Variants in YBX2 observed in about 807,000 individuals in gnomAD.
YBX2 encodes the protein Y-box binding protein 2, also known as Y-box-binding protein 2.
In YBX2, 5 loss-of-function variants were observed where a neutral mutation model predicts 44.4. The ratio of observed to expected loss-of-function variants is 0.11; its 90% confidence interval spans 0.06 to 0.24. The LOEUF is 0.24. Among genes scored for constraint, YBX2 ranks in the 10% least tolerant of loss-of-function variants. The pLI is 1.00. For synonymous variants in YBX2, 188 were observed against 216.1 expected, an observed-to-expected ratio of 0.87 and a Z score of 1.14; for missense variants, 417 against 526.9, an observed-to-expected ratio of 0.79 and a Z score of 2.04.
chr17:7,292,541 T>A, intron 2 of YBX2: 1 of 192,482 alleles, frequency 5.2e-6, no homozygotes, highest in Admixed American at 5.2e-5. Context: ...GAACAATGTG[T>A]CAGGAACTTG....
At position 7,294,279 on chromosome 17, in the gene YBX2, C is replaced by T. The variant is rs917802650; in HGVS notation, c.222G>A (p.Ser74=). The change falls in exon 1 of 9, where the codon TCG becomes TCA. Residue 74 remains serine, a synonymous_variant. Coordinates refer to ENST00000007699, the MANE Select transcript of YBX2 (RefSeq NM_015982.4). This position sits in a 1 kb window ranked among gnomAD's most constrained non-coding sequence, Gnocchi z 4.6. ...RTPGNPATAV[S]GTPAPPARSQ... ...TCCGGGCCGGGGGGGCGGGGGTTCC[C>T]GAGACCGCCGTCGCCGGATTGCCAG... 3.9e-6 allele frequency: 5 copies of T among 1,276,238 alleles called. No individual in the cohort carries two copies. In the African/African-American group the frequency reaches 7.7e-5, roughly 20 times the overall value. 79.1% of individuals were successfully genotyped at this position (1,276,238 alleles called of 1,614,324 possible). A position where few individuals can be genotyped will look rare whatever the true frequency, so the allele number is the denominator to read the frequency against.
chr17:7,290,378 G>A lies in YBX2; in HGVS notation c.617C>T (p.Pro206Leu). 6.2e-7 allele frequency: 1 copy of A among 1,613,998 alleles called. No individual in the cohort carries two copies. Among genetic ancestry groups the A allele is most frequent in the Middle Eastern group, 1.7e-4 (1 of 6,060 alleles). The change falls in exon 5 of 9, where the codon CCT becomes CTT. Residue 206 changes from proline (P) to leucine (L), a missense_variant. Coordinates refer to ENST00000007699, the MANE Select transcript of YBX2 (RefSeq NM_015982.4). ...VAEIPSAGTG[P>L]GSKGERAEDS... ...TTCAGCCCGCTCCCCTTTACTGCCA[G>A]GTCCTGTCCCCGCCGAGGGGATCTC... is the stretch of plus-strand genomic sequence containing the variant.
At chr17:7,293,123 C>T in intron 2 of YBX2, 1 of 343,860 alleles carries the variant, frequency 2.9e-6, no homozygotes, top group East Asian at 7.1e-5. Context: ...TTGAGGATTC[C>T]AGCCGGGGGC....
At chr17:7,288,869 G>A (rs372506273) in intron 7 of YBX2, 31 bp from the exon 8 acceptor site, 1 of 1,613,336 alleles carries the variant, frequency 6.2e-7, no homozygotes, top group Non-Finnish European at 8.5e-7. Flanking sequence ...ATTGAGACTT[G>A]TTCTTTTTGT....
rs903841521 is a variant in YBX2, at chr17:7,294,577, C to G, written c.-77G>C. ...CGGCTCGCGAACCCACCGCCCTGCT[C>G]GGTCCTCGCGCCCCGAGCCTCGCCC... On this transcript the variant is annotated 5_prime_UTR_variant, in exon 1 of 9. Coordinates refer to ENST00000007699, the MANE Select transcript of YBX2 (RefSeq NM_015982.4). The surrounding 1 kb of genome is among the most constrained non-coding windows in gnomAD (Gnocchi z 4.6). 1.3e-5 allele frequency: 17 copies of G among 1,281,186 alleles called. No homozygotes were observed. In the African/African-American group the frequency reaches 1.6e-4, roughly 12 times the overall value. 79.4% of individuals were successfully genotyped at this position (1,281,186 alleles called of 1,614,324 possible).
intron 7 of YBX2, among the ~76,000 whole-genome samples, chr17:7,289,315 T>C (rs2072479518): frequency 8.3e-6 from 1 of 120,466 alleles, no homozygotes; most frequent in East Asian, 2.4e-4. Flanking sequence ...ATGGCCATCA[T>C]GGGCAATCAT....
At position 7,294,329 on chromosome 17, in the gene YBX2, G is replaced by T; in HGVS notation, c.172C>A (p.Pro58Thr). The change falls in exon 1 of 9, where the codon CCC (proline) becomes ACC (threonine). Residue 58 changes from proline (P) to threonine (T), a missense_variant. Pro to Thr is a conservative substitution (Grantham distance 38). This residue lies in a region of YBX2 where 121 missense variants were observed against 141.3 expected (regional missense o/e 0.86). Transcript: ENST00000007699. This position sits in a 1 kb window ranked among gnomAD's most constrained non-coding sequence, Gnocchi z 4.6. The part of the protein sequence containing the change: ...GAASGPAAGT[P>T]SAPGSRTPGN... ...GGGGTGCGGGAGCCCGGCGCCGAGGGGGTCCCAGCAGCGGGGCCCGAGGCG... is the reference window on the plus strand; with the variant it reads ...GGGGTGCGGGAGCCCGGCGCCGAGGTGGTCCCAGCAGCGGGGCCCGAGGCG... 7.7e-7 allele frequency: 1 copy of T among 1,295,244 alleles called. No homozygotes were observed. The highest frequency in any genetic ancestry group is 9.7e-7 in the Non-Finnish European group (1 of 1,027,930). 80.2% of individuals were successfully genotyped at this position (1,295,244 alleles called of 1,614,324 possible).
chr17:7,291,752 C>T lies in YBX2; in HGVS notation c.369+274G>A. The T allele has an allele frequency of 2.0e-6, 1 of 509,998 alleles. No homozygotes were observed. Among genetic ancestry groups the T allele is most frequent in the Non-Finnish European group, 3.6e-6 (1 of 280,178 alleles). The allele number at this position is 509,998 out of a possible 1,614,324, so 31.6% of individuals were successfully genotyped here. ...GAGAACCACTGCACCCAAGGACCTT[C>T]TCCCTCTGAAAACTGCCTCAGTGCT... On this transcript the variant is annotated intron_variant, in intron 3 of 8. Coordinates refer to ENST00000007699, the MANE Select transcript of YBX2 (RefSeq NM_015982.4). The surrounding 1 kb of genome is among the most constrained non-coding windows in gnomAD (Gnocchi z 5.8).
Position 7,294,280 on chromosome 17 carries a change from G to A in YBX2, c.221C>T (p.Ser74Leu). 8.6e-6 allele frequency: 11 copies of A among 1,276,140 alleles called. No homozygotes were observed. Among genetic ancestry groups the A allele is most frequent in the Non-Finnish European group, 1.1e-5 (11 of 1,017,688 alleles). The allele number at this position is 1,276,140 out of a possible 1,614,324, so 79.1% of individuals were successfully genotyped here. A position where few individuals can be genotyped will look rare whatever the true frequency, so the allele number is the denominator to read the frequency against. ...RTPGNPATAVSGTPAPPARSQ... is the reference protein window; with the variant it reads ...RTPGNPATAVLGTPAPPARSQ... ...CCGGGCCGGGGGGGCGGGGGTTCCCGAGACCGCCGTCGCCGGATTGCCAGG... is the reference window on the plus strand; with the variant it reads ...CCGGGCCGGGGGGGCGGGGGTTCCCAAGACCGCCGTCGCCGGATTGCCAGG... The change falls in exon 1 of 9, where the codon TCG becomes TTG. Residue 74 changes from serine (S) to leucine (L), a missense_variant. Coordinates refer to ENST00000007699, the MANE Select transcript of YBX2 (RefSeq NM_015982.4). This position sits in a 1 kb window ranked among gnomAD's most constrained non-coding sequence, Gnocchi z 4.6.
rs747017492 is a variant in YBX2 at position 7,294,330 on chromosome 17, G to A, written c.171C>T (p.Thr57=). The A allele has an allele frequency of 4.6e-6, 6 of 1,303,970 alleles. No homozygotes were observed. The South Asian group carries it at 7.1e-5, about 15-fold the overall frequency. 80.8% of individuals were successfully genotyped at this position (1,303,970 alleles called of 1,614,324 possible). The change falls in exon 1 of 9, where the codon ACC becomes ACT. Residue 57 remains threonine, a synonymous_variant. Transcript: ENST00000007699. The surrounding 1 kb of genome is among the most constrained non-coding windows in gnomAD (Gnocchi z 4.6). ...GGGTGCGGGAGCCCGGCGCCGAGGG[G>A]GTCCCAGCAGCGGGGCCCGAGGCGG... is the stretch of plus-strand genomic sequence containing the variant. The part of the protein sequence containing the change: ...GGAASGPAAG[T]PSAPGSRTPG...
chr17:7,292,400 G>A (rs2072507624), intron 2 of YBX2: 2 of 339,082 alleles, frequency 5.9e-6, no homozygotes, highest in South Asian at 3.3e-5. Flanking sequence ...AGCGCTGGGT[G>A]CAACTGTCCC....
chr17:7,289,865 A>G (rs944763132), intron 6 of YBX2, 103 bp downstream of exon 6: 2 of 1,581,544 alleles, frequency 1.3e-6, no homozygotes, highest in African/African-American at 2.7e-5. Flanking sequence ...TCTCGCCAGG[A>G]GCCCAGGCTC....
chr17:7,293,083 G>A, intron 2 of YBX2: 1 of 310,042 alleles, frequency 3.2e-6, no homozygotes, highest in South Asian at 3.0e-5. Context: ...AGGGAGTTGA[G>A]TTGTGAGTGC....
intron 2 of YBX2, 108 bp from the exon 3 acceptor site, chr17:7,292,167 A>G (rs2143005795): frequency 1.5e-6 from 2 of 1,290,502 alleles, no homozygotes; most frequent in Non-Finnish European, 2.2e-6. Flanking sequence ...CATCCTCTCC[A>G]GCATTCCAGT....
intron 7 of YBX2, 135 bp from the exon 8 acceptor site, chr17:7,288,973 T>G: frequency 9.0e-7 from 1 of 1,109,708 alleles, no homozygotes; most frequent in Non-Finnish European, 1.3e-6. Flanking sequence ...GTGATTCTCC[T>G]GCCTTAGCCT....
At position 7,289,609 on chromosome 17, in the gene YBX2, C is replaced by A; in HGVS notation, c.965G>T (p.Arg322Leu). 6.2e-7 allele frequency: 1 copy of A among 1,613,816 alleles called. No individual in the cohort carries two copies. The highest frequency in any genetic ancestry group is 8.5e-7 in the Non-Finnish European group (1 of 1,179,900). Residue 322 changes from arginine to leucine, a missense_variant, in exon 7 of 9, where the codon CGC becomes CTC. By Grantham distance (102) the Arg-to-Leu change is moderately radical. Coordinates refer to ENST00000007699, the MANE Select transcript of YBX2 (RefSeq NM_015982.4). ...CTGCCGTCTCCGCTGGAAGTAGGGG[C>A]GGTTTCGTGGGCGCTGGGGCTCAGG... is the stretch of plus-strand genomic sequence containing the variant. Reference protein sequence around the residue: ...SRPEPQRPRNRPYFQRRRQQA... With the variant: ...SRPEPQRPRNLPYFQRRRQQA...
At chr17:7,293,624 A>G in intron 1 of YBX2, 86 bp from the exon 2 acceptor site, 2 of 1,602,214 alleles carry the variant, frequency 1.2e-6, no homozygotes, top group Non-Finnish European at 1.7e-6. Flanking sequence ...AAAACAAAAA[A>G]AAATCTAGCC....
Position 7,290,056 on chromosome 17 carries a change from C to G in YBX2, c.760G>C (p.Glu254Gln). ...TCCAATGGGGCTGTCTCTTTGGGTT[C>G]TACCCTGTCAGTGCCCTGGGAACAT... ...QQPIEGTDRV[E>Q]PKETAPLEGH... Residue 254 changes from glutamate to glutamine, a missense_variant, in exon 6 of 9, where the codon GAA (glutamate) becomes CAA (glutamine). Glu to Gln is a conservative substitution (Grantham distance 29, BLOSUM62 2). Transcript: ENST00000007699. 6.2e-7 allele frequency: 1 copy of G among 1,614,260 alleles called. No homozygotes were observed. Among genetic ancestry groups the G allele is most frequent in the Non-Finnish European group, 8.5e-7 (1 of 1,180,044 alleles).
At chr17:7,292,834 T>C (rs892348372) in intron 2 of YBX2, 2 of 157,906 alleles carry the variant, frequency 1.3e-5, no homozygotes, top group African/African-American at 4.8e-5. Context: ...AAGGTCAGCC[T>C]GCTAAGAGGG....
Sources: allele counts gnomAD v4.1 joint callset (sites outside exome capture counted in the v4.1 genomes callset), GRCh38; gene constraint gnomAD v4.1.1; regional missense constraint gnomAD v4.1.1; non-coding constraint Gnocchi (gnomAD v3.1); transcripts MANE v1.5; gene names NCBI Gene and HGNC (gene_info 2026-07-23, HGNC 2026-07-21).